Variants in TRPC4AP observed in about 807,000 individuals in gnomAD.
TRPC4AP encodes short transient receptor potential channel 4-associated protein.
TRPC4AP carries 45 observed loss-of-function variants against 99.0 expected under a neutral mutation model. That is an observed-to-expected ratio of 0.45 (90% CI 0.36 to 0.58). The LOEUF is 0.58. Among genes scored for constraint, TRPC4AP ranks in the 20% least tolerant of loss-of-function variants. The probability of loss-of-function intolerance (pLI) is 0.00; values close to 1 mark genes in which losing one functional copy is unlikely to be tolerated. For synonymous variants in TRPC4AP, 408 were observed against 385.8 expected (o/e 1.06, Z -0.67); for missense variants, 879 against 985.3 (o/e 0.89, Z 1.44).
intron 17 of TRPC4AP, 26 bp from the exon 18 acceptor site, chr20:35,003,642 CAG>C (rs771028388): frequency 1.1e-5 from 17 of 1,604,066 alleles, no homozygotes; most frequent in Admixed American, 1.7e-5. Flanking sequence ...CCCACAGGGT[CAG>C]GGGCTGGTGG....
At chr20:35,054,252 T>C (rs2083772522) in intron 5 of TRPC4AP, among the ~76,000 whole-genome samples, 1 of 152,128 alleles carries the variant, frequency 6.6e-6, no homozygotes, top group Non-Finnish European at 1.5e-5. Context: ...CGTCTCATTC[T>C]GCCATGTATT....
chr20:35,007,665 TG>T, intron 13 of TRPC4AP, 25 bp from the exon 14 acceptor site: 1 of 1,613,314 alleles, frequency 6.2e-7, no homozygotes, highest in South Asian at 1.1e-5. Flanking sequence ...CTGGCTCAGG[TG>T]GCTAAGGCTG....
At chr20:35,068,835 TAA>T (rs1277251386) in intron 3 of TRPC4AP, among the ~76,000 whole-genome samples, 3 of 137,634 alleles carry the variant, frequency 2.2e-5, no homozygotes, top group African/African-American at 2.7e-5. Context: ...TTGTTTTAAT[TAA>T]AAAAAAAAAA....
chr20:35,003,418 G>A lies in TRPC4AP; in HGVS notation c.2248C>T (p.Leu750=). 2 of 1,614,106 alleles carry A rather than the reference G, an allele frequency of 1.2e-6. No individual in the cohort carries two copies. Among genetic ancestry groups the A allele is most frequent in the Non-Finnish European group, 1.7e-6 (2 of 1,180,024 alleles). The change falls in exon 18 of 19, where the codon CTA becomes TTA. Residue 750 remains leucine (L), a synonymous_variant. Coordinates refer to ENST00000252015, the MANE Select transcript of TRPC4AP (RefSeq NM_015638.3). ...GAGGGTGGGGCACTCACGTTCTCTA[G>A]GCAGGTGCTGTCCTTGTCCTTGTGC... ...YLHKDKDSTC[L]ENSSCISFSY...
chr20:35,018,974 C>T (rs192355623), intron 9 of TRPC4AP, among the ~76,000 whole-genome samples: 3 of 152,214 alleles, frequency 2.0e-5, no homozygotes, highest in Non-Finnish European at 4.4e-5. Flanking sequence ...CTAAAAGAAA[C>T]GACTGCTATA....
At chr20:35,043,382 G>C (rs1320711859) in intron 7 of TRPC4AP, among the ~76,000 whole-genome samples, 1 of 152,034 alleles carries the variant, frequency 6.6e-6, no homozygotes, top group Non-Finnish European at 1.5e-5. Flanking sequence ...GAGTAACTGG[G>C]ACTACAGGCG....
At chr20:35,024,825 C>CAAAAAAAAAAAA (rs778161091) in intron 8 of TRPC4AP, among the ~76,000 whole-genome samples, 1 of 35,880 alleles carries the variant, frequency 2.8e-5, no homozygotes, top group Non-Finnish European at 5.0e-5. Flanking sequence ...GAGACCGTCT[C>CAAAAAAAAAAAA]AAAAAAAAAA....
chr20:35,035,106 G>A lies in TRPC4AP; in HGVS notation c.1051+17C>T. The A allele has an allele frequency of 6.2e-7, 1 of 1,608,090 alleles. No individual in the cohort carries two copies. Among genetic ancestry groups the A allele is most frequent in the Non-Finnish European group, 8.5e-7 (1 of 1,176,196 alleles). ...AGGAAAAGCTCCCGATCACTCAGGG[G>A]ACCCATCCTTCCATACCTTGATTGT... On this transcript the variant is annotated intron_variant, in intron 8 of 18. Coordinates refer to ENST00000252015, the MANE Select transcript of TRPC4AP (RefSeq NM_015638.3).
At chr20:35,008,515 C>T (rs958789953) in intron 13 of TRPC4AP, 149 bp downstream of exon 13, 24 of 678,644 alleles carry the variant, frequency 3.5e-5, no homozygotes, top group Non-Finnish European at 4.1e-5. Flanking sequence ...CAAAACTACA[C>T]AAGATGGCAG....
chr20:35,059,757 C>T (rs549540594), intron 3 of TRPC4AP, among the ~76,000 whole-genome samples: 4 of 145,592 alleles, frequency 2.7e-5, no homozygotes, highest in African/African-American at 1.0e-4. Flanking sequence ...AAGAAGAAGA[C>T]GAAGAAGACG....
chr20:35,016,866 T>C (rs979405806), intron 9 of TRPC4AP, among the ~76,000 whole-genome samples: 1 of 152,248 alleles, frequency 6.6e-6, no homozygotes, highest in Admixed American at 6.5e-5. Context: ...GATTTTTCAC[T>C]TTTTCAGACT....
intron 2 of TRPC4AP, 40 bp downstream of exon 2, chr20:35,078,006 G>A: frequency 1.9e-6 from 3 of 1,553,920 alleles, no homozygotes; most frequent in Non-Finnish European, 2.6e-6. Context: ...GTGTCACCTA[G>A]AGGCCCTGAA....
chr20:35,065,707 G>C (rs1335448774), intron 3 of TRPC4AP, among the ~76,000 whole-genome samples: 1 of 152,112 alleles, frequency 6.6e-6, no homozygotes, highest in Non-Finnish European at 1.5e-5. Context: ...CTCAAAGCAG[G>C]AAAGAAAAAC....
intron 8 of TRPC4AP, among the ~76,000 whole-genome samples, chr20:35,032,833 TTC>T (rs140192793): frequency 0.044 from 6,681 of 152,142 alleles, 482 homozygotes; most frequent in African/African-American, 0.15. Flanking sequence ...CACAGGAAAT[TTC>T]TGTTGCCTGC....
chr20:35,004,413 T>C (rs1236988392), intron 17 of TRPC4AP, 45 bp downstream of exon 17: 1 of 1,542,492 alleles, frequency 6.5e-7, no homozygotes, highest in Admixed American at 1.8e-5. Context: ...AAGGAAGTGG[T>C]TTCCAATCGA....
chr20:35,049,971 C>G lies in TRPC4AP; in HGVS notation c.552G>C (p.Leu184Phe), dbSNP rs1306752143. 1.2e-6 allele frequency: 2 copies of G among 1,613,738 alleles called. No individual in the cohort carries two copies. Among genetic ancestry groups the G allele is most frequent in the Non-Finnish European group, 1.7e-6 (2 of 1,179,838 alleles). Residue 184 changes from leucine to phenylalanine, a missense_variant, in exon 6 of 19, where the codon TTG (leucine) becomes TTC (phenylalanine). Coordinates refer to ENST00000252015, the MANE Select transcript of TRPC4AP (RefSeq NM_015638.3). ...CVCTEGVTKR[L>F]AEKNDFVIFL... ...AGATCACAAAGTCATTCTTTTCTGCCAAACGCTTTGTAACTCCCTCTGTCT... is the reference window on the plus strand; with the variant it reads ...AGATCACAAAGTCATTCTTTTCTGCGAAACGCTTTGTAACTCCCTCTGTCT...
At chr20:35,068,915 ATAAAC>A (rs1470021526) in intron 3 of TRPC4AP, among the ~76,000 whole-genome samples, 1 of 151,326 alleles carries the variant, frequency 6.6e-6, no homozygotes, top group African/African-American at 2.4e-5. Flanking sequence ...TGCGGAGAAA[ATAAAC>A]TAAGGTGGAG....
intron 10 of TRPC4AP, among the ~76,000 whole-genome samples, chr20:35,013,801 A>G (rs2082690655): frequency 6.6e-6 from 1 of 152,188 alleles, no homozygotes; most frequent in African/African-American, 2.4e-5. Context: ...AGGTCCCAGT[A>G]AAGCCTGGGG....
At chr20:35,008,331 A>C (rs1314801775) in intron 13 of TRPC4AP, among the ~76,000 whole-genome samples, 1 of 152,190 alleles carries the variant, frequency 6.6e-6, no homozygotes, top group Non-Finnish European at 1.5e-5. Context: ...CTCCTGGGCC[A>C]ACCCTGGCTC....
Sources: allele counts gnomAD v4.1 joint callset (sites outside exome capture counted in the v4.1 genomes callset), GRCh38; gene constraint gnomAD v4.1.1; transcripts MANE v1.5; gene names NCBI Gene and HGNC (gene_info 2026-07-23, HGNC 2026-07-21).